EML1: variants seen among roughly 807,000 people sequenced by gnomAD.
The protein encoded by EML1 is echinoderm microtubule-associated protein-like 1.
EML1 carries 27 observed loss-of-function variants against 110.4 expected under a neutral mutation model. The ratio of observed to expected loss-of-function variants is 0.24; its 90% CI spans 0.18 to 0.34. The LOEUF is 0.34. Among genes scored for constraint, EML1 ranks in the 10% least tolerant of loss-of-function variants. EML1 has a pLI of 1.00. For synonymous variants in EML1, 344 were observed against 385.8 expected (o/e 0.89, Z 1.27); for missense variants, 741 against 1,030.9 (o/e 0.72, Z 3.85).
At chr14:99,901,100 G>A in intron 9 of EML1, 61 bp downstream of exon 9, 1 of 1,418,536 alleles carries the variant, frequency 7.0e-7, no homozygotes. Context: ...AATCAACTCA[G>A]GGTTGAAGAG....
At chr14:99,741,353 G>A (rs1193152171) in intron 1 of EML1, among the ~76,000 whole-genome samples, 8 of 152,058 alleles carry the variant, frequency 5.3e-5, no homozygotes, top group Non-Finnish European at 1.2e-4. Context: ...TTTTGTAAGT[G>A]CGTGTGCTGG....
intron 9 of EML1, among the ~76,000 whole-genome samples, chr14:99,901,739 C>T (rs183575630): frequency 1.2e-4 from 19 of 152,172 alleles, no homozygotes; most frequent in Middle Eastern, 3.4e-3. Flanking sequence ...TTGGTTTTGG[C>T]GGGATTTAGC....
chr14:99,870,968 T>TG (rs1566908934), intron 3 of EML1, among the ~76,000 whole-genome samples: 1 of 152,120 alleles, frequency 6.6e-6, no homozygotes, highest in Non-Finnish European at 1.5e-5. Context: ...AATAACATTT[T>TG]TTTTTTTTGA....
chr14:99,832,363 G>C (rs1292317801), intron 1 of EML1, among the ~76,000 whole-genome samples: 1 of 152,118 alleles, frequency 6.6e-6, no homozygotes, highest in African/African-American at 2.4e-5. Flanking sequence ...CCATGTCTTT[G>C]TATGGATGGA....
rs1399359016 is a variant in EML1, at chr14:99,897,233, T to G, written c.766T>G (p.Leu256Val). 7 of 1,612,918 alleles carry G rather than the reference T, an allele frequency of 4.3e-6. No individual in the cohort carries two copies. Among genetic ancestry groups the G allele is most frequent in the Non-Finnish European group, 5.1e-6 (6 of 1,179,582 alleles). ...TVYFIASVVV[L>V]YNVEEQLQRH... ...CTACTTCATCGCATCCGTGGTGGTG[T>G]TATACAACGTGGAGGAGCAACTGCA... The change falls in exon 7 of 22, where the codon TTA becomes GTA. Residue 256 changes from leucine to valine, a missense_variant. Physicochemically the swap from Leu to Val is conservative, Grantham distance 32. Around this residue, in one of 4 missense-constraint regions of EML1, gnomAD observed 388 missense variants for 605.6 expected, o/e 0.64. Transcript: ENST00000262233.
intron 1 of EML1, among the ~76,000 whole-genome samples, chr14:99,740,322 C>G (rs2057027468): frequency 6.6e-6 from 1 of 152,202 alleles, no homozygotes; most frequent in African/African-American, 2.4e-5. Flanking sequence ...CCAGGTTAGG[C>G]CCCTCTTCCC....
intron 1 of EML1, among the ~76,000 whole-genome samples, chr14:99,758,189 C>T (rs1032350779): frequency 6.6e-6 from 1 of 152,194 alleles, no homozygotes; most frequent in Non-Finnish European, 1.5e-5. Flanking sequence ...GGTGCTTACA[C>T]ATGAACACTG....
intron 1 of EML1, among the ~76,000 whole-genome samples, chr14:99,843,467 T>C: frequency 6.6e-6 from 1 of 152,342 alleles, no homozygotes; most frequent in Middle Eastern, 3.4e-3. Flanking sequence ...TTATATTTAT[T>C]TATACATGCA....
intron 1 of EML1, chr14:99,838,916 CGCGT>C (rs907545987): frequency 4.8e-5 from 2 of 41,686 alleles, no homozygotes; most frequent in African/African-American, 1.6e-4. Flanking sequence ...TGCGCGCGCG[CGCGT>C]GTGTGTGTGT....
rs200678486 is a variant in EML1 at position 99,878,581 on chromosome 14, C to T, written c.480C>T (p.Ser160=). Residue 160 remains serine, a synonymous_variant, in exon 4 of 22, where the codon TCC becomes TCT. Transcript: ENST00000262233. ...GAGGAAACCGGAATCGCACAGGCTC[C>T]ACCAGCAGCTCTTCCAGTGGCAAAA... is the stretch of plus-strand genomic sequence containing the variant. ...DSRGNRNRTG[S]TSSSSSGKKN... is the part of the protein sequence containing the mutation. The T allele has an allele frequency of 4.3e-6, 7 of 1,613,982 alleles. No individual in the cohort carries two copies. The highest frequency in any genetic ancestry group is 4.5e-5 in the East Asian group (2 of 44,872).
chr14:99,793,810 C>T (rs1286878452), intron 1 of EML1, among the ~76,000 whole-genome samples: 1 of 149,432 alleles, frequency 6.7e-6, no homozygotes, highest in Non-Finnish European at 1.5e-5. Flanking sequence ...CCGGCTCCAG[C>T]ACCCGCGGAG....
At chr14:99,849,523 GTGTGTGTATA>G (rs1566896604) in intron 1 of EML1, among the ~76,000 whole-genome samples, 1 of 134,164 alleles carries the variant, frequency 7.5e-6, no homozygotes, top group East Asian at 2.0e-4. Flanking sequence ...GTGTGTGTGT[GTGTGTGTATA>G]TATATTTATT....
intron 1 of EML1, among the ~76,000 whole-genome samples, chr14:99,782,153 C>T (rs112265474): frequency 6.6e-6 from 1 of 151,712 alleles, no homozygotes; most frequent in African/African-American, 2.4e-5. Flanking sequence ...CCTTCCCCAA[C>T]CCCTCCACCC....
At chr14:99,792,200 G>A (rs368040073), upstream of EML1, among the ~76,000 whole-genome samples, 3 of 152,334 alleles carry the variant, frequency 2.0e-5, no homozygotes, top group East Asian at 3.9e-4. Flanking sequence ...AGGCCTCTGA[G>A]CCCAAGCGAG....
intron 1 of EML1, among the ~76,000 whole-genome samples, chr14:99,829,353 C>G (rs1348472979): frequency 6.6e-6 from 1 of 152,110 alleles, no homozygotes; most frequent in Non-Finnish European, 1.5e-5. Context: ...GTCTCTGGCC[C>G]AGAAGGTTCT....
At chr14:99,740,790 G>A (rs558926519) in intron 1 of EML1, among the ~76,000 whole-genome samples, 1 of 152,240 alleles carries the variant, frequency 6.6e-6, no homozygotes, top group East Asian at 1.9e-4. Context: ...CTCTCACTGG[G>A]TCTGGAAATA....
At position 99,905,978 on chromosome 14, in the gene EML1, T is replaced by A. The variant is rs1178227269; in HGVS notation, c.1009-1660T>A. On this transcript the variant is annotated intron_variant, in intron 9 of 21. Coordinates refer to ENST00000262233, the MANE Select transcript of EML1 (RefSeq NM_004434.3). This position sits in a 1 kb window ranked among gnomAD's most constrained non-coding sequence, Gnocchi z 4.1. ...ATTCGGTGTGTACAGATGATTTTTC[T>A]TTGCATCAGGGGTCTCCAGTATCAT... 6.6e-6 allele frequency among the ~76,000 whole-genome samples: 1 copy of A among 152,186 alleles called. No individual in the cohort carries two copies. The highest frequency in any genetic ancestry group is 6.5e-5 in the Admixed American group (1 of 15,286).
At chr14:99,885,615 A>C (rs1595433614) in intron 4 of EML1, among the ~76,000 whole-genome samples, 1 of 152,288 alleles carries the variant, frequency 6.6e-6, no homozygotes, top group South Asian at 2.1e-4. Context: ...TTTTTTACTG[A>C]AAAAAATGTT....
intron 4 of EML1, among the ~76,000 whole-genome samples, chr14:99,886,785 C>T (rs1219285311): frequency 6.6e-6 from 1 of 152,160 alleles, no homozygotes; most frequent in Non-Finnish European, 1.5e-5. Flanking sequence ...AAGAGCAGAT[C>T]CCCGCTCTGA....
Sources: allele counts gnomAD v4.1 joint callset (sites outside exome capture counted in the v4.1 genomes callset), GRCh38; gene constraint gnomAD v4.1.1; regional missense constraint gnomAD v4.1.1; non-coding constraint Gnocchi (gnomAD v3.1); transcripts MANE v1.5; gene names NCBI Gene and HGNC (gene_info 2026-07-23, HGNC 2026-07-21).